NAV2: variants seen among roughly 807,000 people sequenced by gnomAD.
NAV2 encodes the protein neuron navigator 2.
NAV2 carries 54 observed loss-of-function variants against 223.2 expected under a neutral mutation model. The observed-to-expected ratio is 0.24, with a 90% CI of 0.19 to 0.30. NAV2 has a LOEUF of 0.30. NAV2 is among the 10% of genes least tolerant of loss of function. NAV2 has a pLI of 1.00. For missense variants in NAV2, 2,806 were observed against 3,147.5 expected, an observed-to-expected ratio of 0.89 and a Z score of 2.60; for synonymous variants, 1,279 against 1,239.3, an observed-to-expected ratio of 1.03 and a Z score of -0.67.
intron 1 of NAV2, among the ~76,000 whole-genome samples, chr11:19,749,931 G>A (rs1034555598): frequency 9.2e-5 from 14 of 152,228 alleles, no homozygotes; most frequent in Non-Finnish European, 1.3e-4. Flanking sequence ...GTTTCTGCTG[G>A]TGGGCCATTT....
intron 31 of NAV2, among the ~76,000 whole-genome samples, chr11:20,099,283 C>T (rs1481411250): frequency 6.6e-6 from 1 of 152,192 alleles, no homozygotes. Flanking sequence ...GAACAATCAT[C>T]CTCGACAAGA....
At chr11:19,359,094 G>A (rs1035054883) in intron 1 of NAV2, among the ~76,000 whole-genome samples, 2 of 152,202 alleles carry the variant, frequency 1.3e-5, no homozygotes, top group Non-Finnish European at 2.9e-5. Flanking sequence ...AAATGAGAGG[G>A]TAAAAGGGAG....
chr11:19,559,359 T>C (rs2045017437), intron 1 of NAV2, among the ~76,000 whole-genome samples: 1 of 152,240 alleles, frequency 6.6e-6, no homozygotes, highest in South Asian at 2.1e-4. Context: ...TCTGTGCCCT[T>C]GGCCAAGTCA....
chr11:19,345,874 C>G (rs1036686383), upstream of NAV2, among the ~76,000 whole-genome samples: 15 of 152,106 alleles, frequency 9.9e-5, no homozygotes, highest in African/African-American at 3.4e-4. This position sits in a 1 kb window ranked among gnomAD's most constrained non-coding sequence, Gnocchi z 5.2. Context: ...CTGTGGGTTC[C>G]CCTCTGCGTG....
At chr11:19,860,063 C>T (rs1294047019) in intron 3 of NAV2, among the ~76,000 whole-genome samples, 1 of 122,992 alleles carries the variant, frequency 8.1e-6, no homozygotes, top group Non-Finnish European at 1.7e-5. Context: ...CAACTCCCTC[C>T]TGGACGGGGC....
chr11:19,944,651 C>G (rs1047917717), intron 8 of NAV2, among the ~76,000 whole-genome samples: 1 of 142,622 alleles, frequency 7.0e-6, no homozygotes, highest in Non-Finnish European at 1.5e-5. Flanking sequence ...TCTTTTCTTT[C>G]CTTTCCTTTT....
At chr11:19,356,495 G>T (rs1008944374) in intron 1 of NAV2, among the ~76,000 whole-genome samples, 14 of 152,172 alleles carry the variant, frequency 9.2e-5, no homozygotes, top group Non-Finnish European at 8.8e-5. Flanking sequence ...TCTTGGGGGA[G>T]GCAATTCAAT....
chr11:19,416,046 G>C (rs1219282332), intron 1 of NAV2, among the ~76,000 whole-genome samples: 1 of 152,182 alleles, frequency 6.6e-6, no homozygotes, highest in Non-Finnish European at 1.5e-5. Context: ...AGACAAGTAT[G>C]CCCTCTCTCA....
intron 1 of NAV2, among the ~76,000 whole-genome samples, chr11:19,660,107 G>T (rs1179277119): frequency 6.6e-6 from 1 of 152,180 alleles, no homozygotes; most frequent in African/African-American, 2.4e-5. Context: ...TTCTCTCACT[G>T]TTTGTGTTCC....
At chr11:19,826,826 T>C (rs1475201113) in intron 1 of NAV2, among the ~76,000 whole-genome samples, 1 of 152,226 alleles carries the variant, frequency 6.6e-6, no homozygotes, top group Non-Finnish European at 1.5e-5. Context: ...ATCATGTAAG[T>C]CTCAAGTGTA....
chr11:19,978,502 C>A (rs1363921445), intron 10 of NAV2, among the ~76,000 whole-genome samples: 1 of 152,178 alleles, frequency 6.6e-6, no homozygotes, highest in African/African-American at 2.4e-5. Flanking sequence ...ATTACACACA[C>A]ATTTGTAATT....
At chr11:19,622,976 T>C (rs531247741) in intron 1 of NAV2, among the ~76,000 whole-genome samples, 135 of 152,340 alleles carry the variant, frequency 8.9e-4, no homozygotes, top group African/African-American at 3.2e-3. Context: ...ACAAAATCTC[T>C]CAGCATTTGC....
chr11:19,922,436 A>C (rs1227532329), intron 6 of NAV2, among the ~76,000 whole-genome samples: 1 of 152,104 alleles, frequency 6.6e-6, no homozygotes, highest in East Asian at 1.9e-4. Flanking sequence ...CTCGTCCTTT[A>C]GGGCAAACTA....
chr11:19,844,189 T>C (rs551692351), intron 3 of NAV2, among the ~76,000 whole-genome samples: 1 of 152,322 alleles, frequency 6.6e-6, no homozygotes, highest in South Asian at 2.1e-4. Flanking sequence ...GTCTAGGGTA[T>C]TAATAATTGA....
chr11:20,072,634 T>C (rs1469724992), intron 22 of NAV2, among the ~76,000 whole-genome samples: 1 of 152,216 alleles, frequency 6.6e-6, no homozygotes, highest in Non-Finnish European at 1.5e-5. Context: ...GTAGTTCTCC[T>C]TCAAGAGGTC....
intron 1 of NAV2, among the ~76,000 whole-genome samples, chr11:19,439,586 A>G (rs1370723401): frequency 2.0e-5 from 3 of 152,244 alleles, no homozygotes; most frequent in African/African-American, 4.8e-5. Context: ...CGAGCTGTGG[A>G]TGGGATAACC....
Position 19,407,716 on chromosome 11 carries a change from C to T in NAV2, c.75+56689C>T, listed in dbSNP as rs546566834. On this transcript the variant is annotated intron_variant, in intron 1 of 37. Coordinates refer to the NAV2 transcript ENST00000360655. ...TAGCCCCCGCATGCCCCCCTTCCAA[C>T]TTGCTACCTTAAAAAGCAATCGCCA... Among the ~76,000 whole-genome samples, 24 of 143,620 alleles carry T rather than the reference C, an allele frequency of 1.7e-4. No homozygotes were observed. The Middle Eastern group carries it at 0.01, about 63-fold the overall frequency. The allele number at this position is 143,620 out of a possible 152,430, so 94.2% of individuals were successfully genotyped here. A position where few individuals can be genotyped will look rare whatever the true frequency, so the allele number is the denominator to read the frequency against.
chr11:19,538,902 T>C (rs2044262057), intron 1 of NAV2, among the ~76,000 whole-genome samples: 1 of 145,444 alleles, frequency 6.9e-6, no homozygotes, highest in Non-Finnish European at 1.5e-5. Flanking sequence ...TATATATATA[T>C]ATATATCTTT....
chr11:19,644,512 G>T (rs776914065), intron 1 of NAV2, among the ~76,000 whole-genome samples: 1 of 152,216 alleles, frequency 6.6e-6, no homozygotes, highest in South Asian at 2.1e-4. Context: ...CCAGGAAGGC[G>T]GACTGTGGTC....
Sources: gnomAD v4.1 joint callset for allele counts (sites outside exome capture counted in the v4.1 genomes callset) on GRCh38, gnomAD v4.1.1 for gene constraint, Gnocchi (gnomAD v3.1) non-coding constraint, MANE v1.5 for transcripts, NCBI Gene and HGNC (gene_info 2026-07-23, HGNC 2026-07-21) for gene names.